VGLL3: variants seen among roughly 807,000 people sequenced by gnomAD.
VGLL3 encodes vestigial like family member 3, also known as transcription cofactor vestigial-like protein 3.
VGLL3 carries 18 observed loss-of-function variants against 29.2 expected under a neutral mutation model. The observed-to-expected ratio is 0.62, with a 90% CI of 0.43 to 0.91. VGLL3 has a LOEUF of 0.91. VGLL3 is among the 40% of genes least tolerant of loss of function. The pLI is 0.00. For missense variants in VGLL3, 440 were observed against 413.2 expected (o/e 1.06, Z -0.56); for synonymous variants, 180 against 151.8 (o/e 1.19, Z -1.36).
chr3:86,969,402 G>A (rs1312024908), intron 2 of VGLL3, among the ~76,000 whole-genome samples: 1 of 152,142 alleles, frequency 6.6e-6, no homozygotes. Context: ...TTTGCAATTT[G>A]GGGATTGAAA....
At chr3:86,986,788 A>G (rs1705451019) in intron 1 of VGLL3, among the ~76,000 whole-genome samples, 1 of 152,162 alleles carries the variant, frequency 6.6e-6, no homozygotes, top group Admixed American at 6.5e-5. Context: ...ATAAATATTC[A>G]TTTGCTAACT....
At chr3:86,962,283 G>A (rs577295198) in intron 3 of VGLL3, 11 of 985,434 alleles carry the variant, frequency 1.1e-5, no homozygotes, top group South Asian at 4.7e-5. Flanking sequence ...GAGTGAGCTC[G>A]CATGACAGCA....
chr3:86,974,338 C>T (rs750394333), intron 2 of VGLL3, among the ~76,000 whole-genome samples: 25 of 151,958 alleles, frequency 1.6e-4, no homozygotes, highest in Non-Finnish European at 8.8e-5. Context: ...AGGCTGGTCT[C>T]GAACTCCTGA....
chr3:86,980,438 T>C (rs751323013), intron 1 of VGLL3, among the ~76,000 whole-genome samples: 27 of 152,162 alleles, frequency 1.8e-4, no homozygotes, highest in Admixed American at 6.5e-5. Context: ...ATATGTGTTT[T>C]GCTTTTATTT....
intron 3 of VGLL3, among the ~76,000 whole-genome samples, chr3:86,966,789 A>G (rs1304199732): frequency 8.3e-5 from 8 of 96,474 alleles, no homozygotes; most frequent in African/African-American, 3.3e-4. Context: ...ATATATATAT[A>G]TATATATATA....
rs6798641 is a variant in VGLL3 at position 86,970,938 on chromosome 3, C to T, written c.404-1815G>A. The stretch of plus-strand genomic sequence containing the variant: ...TGAACTCATTAATTCAAATTATCTA[C>T]GGCTTAATACTGCTAACAGTCTGTG... On this transcript the variant is annotated intron_variant, in intron 2 of 3. Coordinates refer to ENST00000398399, the MANE Select transcript of VGLL3 (RefSeq NM_016206.4). Among the ~76,000 whole-genome samples, 1,297 of 152,270 alleles carry T rather than the reference C, an allele frequency of 8.5e-3. 19 individuals carry two copies. Among genetic ancestry groups the T allele is most frequent in the Middle Eastern group, 0.027 (8 of 294 alleles).
intron 1 of VGLL3, among the ~76,000 whole-genome samples, chr3:86,988,776 A>T (rs984832779): frequency 7.6e-6 from 1 of 132,252 alleles, no homozygotes. Flanking sequence ...CATCTAGTTA[A>T]GCAATGTCTA....
chr3:86,965,718 A>G (rs1704944072), intron 3 of VGLL3, among the ~76,000 whole-genome samples: 1 of 152,144 alleles, frequency 6.6e-6, no homozygotes, highest in Non-Finnish European at 1.5e-5. Context: ...CCCTTACCAG[A>G]GGCAGATCAC....
intron 1 of VGLL3, among the ~76,000 whole-genome samples, chr3:86,983,920 A>G (rs1705382724): frequency 6.6e-6 from 1 of 152,212 alleles, no homozygotes; most frequent in Admixed American, 6.5e-5. Flanking sequence ...TATAATGGTA[A>G]GTGGCAGAGA....
At chr3:86,974,121 ATT>A (rs1169287620) in intron 2 of VGLL3, among the ~76,000 whole-genome samples, 9 of 140,580 alleles carry the variant, frequency 6.4e-5, no homozygotes, top group Admixed American at 7.2e-5. Context: ...TAGGTTTGTT[ATT>A]TTTTTTTTTT....
intron 2 of VGLL3, among the ~76,000 whole-genome samples, chr3:86,977,125 AT>A (rs1705225036): frequency 6.6e-6 from 1 of 152,016 alleles, no homozygotes. Flanking sequence ...TGGATATTTT[AT>A]TTGTATTCCA....
chr3:86,982,074 CAT>C (rs1705336292), intron 1 of VGLL3, among the ~76,000 whole-genome samples: 1 of 152,150 alleles, frequency 6.6e-6, no homozygotes, highest in Non-Finnish European at 1.5e-5. Context: ...TTTCATTCTC[CAT>C]AGACTCTGGT....
At chr3:86,985,568 T>C (rs1705423453) in intron 1 of VGLL3, among the ~76,000 whole-genome samples, 2 of 152,120 alleles carry the variant, frequency 1.3e-5, no homozygotes, top group African/African-American at 4.8e-5. Flanking sequence ...TAAATATGGA[T>C]TTATGAGTTG....
intron 1 of VGLL3, among the ~76,000 whole-genome samples, chr3:86,989,829 T>C (rs1394999802): frequency 1.3e-5 from 2 of 152,162 alleles, no homozygotes; most frequent in Non-Finnish European, 2.9e-5. Flanking sequence ...GGGCGCCTCG[T>C]GCCAAATTCC....
rs148687343 is a variant in VGLL3 at position 86,961,573 on chromosome 3, G to A, written c.937+7017C>T. Among the ~76,000 whole-genome samples, 143 of 152,208 alleles carry A rather than the reference G, an allele frequency of 9.4e-4. 1 individual carries two copies. The highest frequency in any genetic ancestry group is 1.2e-3 in the Non-Finnish European group (82 of 67,978). On this transcript the variant is annotated intron_variant, in intron 3 of 3. Coordinates refer to ENST00000398399, the MANE Select transcript of VGLL3 (RefSeq NM_016206.4). Reference sequence around the variant, plus strand: ...TTCACACGTGAATGCCTGGTAATATGTTGTACACGATCACAAATATTTCCA... The same window carrying A: ...TTCACACGTGAATGCCTGGTAATATATTGTACACGATCACAAATATTTCCA...
rs181045005 is a variant in VGLL3, at chr3:86,960,667, G to C, written c.937+7923C>G. Among the ~76,000 whole-genome samples the C allele has an allele frequency of 2.0e-5, 3 of 152,136 alleles. No homozygotes were observed. The East Asian group carries it at 5.8e-4, about 29-fold the overall frequency. On this transcript the variant is annotated intron_variant, in intron 3 of 3. Coordinates refer to ENST00000398399, the MANE Select transcript of VGLL3 (RefSeq NM_016206.4). ...GCAAATAACCATTGTCCCCGTCTGT[G>C]ACACACAGTCTTGATTTCACTTGTA...
intron 2 of VGLL3, among the ~76,000 whole-genome samples, chr3:86,973,566 G>A (rs1705149430): frequency 6.6e-6 from 1 of 152,150 alleles, no homozygotes; most frequent in South Asian, 2.1e-4. Context: ...TGGGCCTTGT[G>A]ACTCTACAAT....
At chr3:86,976,879 G>A (rs1221559547) in intron 2 of VGLL3, among the ~76,000 whole-genome samples, 1 of 152,106 alleles carries the variant, frequency 6.6e-6, no homozygotes, top group Non-Finnish European at 1.5e-5. Flanking sequence ...ATCTTAATAG[G>A]ATTCATTATT....
intron 3 of VGLL3, among the ~76,000 whole-genome samples, chr3:86,964,410 T>C (rs981540462): frequency 1.4e-4 from 22 of 152,220 alleles, no homozygotes; most frequent in Non-Finnish European, 2.9e-4. Flanking sequence ...TTCAACCTTC[T>C]AGATTTCAAG....
Sources: gnomAD v4.1 joint callset for allele counts (sites outside exome capture counted in the v4.1 genomes callset) on GRCh38, gnomAD v4.1.1 for gene constraint, MANE v1.5 for transcripts, NCBI Gene and HGNC (gene_info 2026-07-23, HGNC 2026-07-21) for gene names.